Variants in ZBTB10 observed in about 807,000 individuals in gnomAD.
ZBTB10 encodes zinc finger and BTB domain containing 10, also known as zinc finger and BTB domain-containing protein 10.
ZBTB10 carries 32 observed loss-of-function variants against 76.4 expected under a neutral mutation model. That is an observed-to-expected ratio of 0.42 (90% confidence interval 0.32 to 0.56). The LOEUF is 0.56. Among genes scored for constraint, ZBTB10 ranks in the 20% least tolerant of loss-of-function variants. The pLI, the probability that ZBTB10 is intolerant of heterozygous loss-of-function variation, is 0.14. For synonymous variants in ZBTB10, 523 were observed against 432.9 expected, an observed-to-expected ratio of 1.21 and a Z score of -2.58; for missense variants, 1,057 against 1,098.5, an observed-to-expected ratio of 0.96 and a Z score of 0.53.
chr8:80,492,173 T>G (rs1305077714), intron 1 of ZBTB10, among the ~76,000 whole-genome samples: 2 of 152,316 alleles, frequency 1.3e-5, no homozygotes, highest in East Asian at 1.9e-4. Context: ...CTTATTTATA[T>G]ATTTTACATT....
upstream of ZBTB10, chr8:80,485,946 T>C (rs1056570914): frequency 6.7e-7 from 1 of 1,492,192 alleles, no homozygotes; most frequent in African/African-American, 1.4e-5. Flanking sequence ...GTCCTCCGCG[T>C]AGCCCGGCCC....
chr8:80,523,229 T>G lies in ZBTB10; in HGVS notation c.*3701T>G, dbSNP rs1171734842. ...GTCTGATTCTGAAGCCCATACTCTT[T>G]CAGGGAGGCTCTATTGCTGCCTCAT... On this transcript the variant is annotated 3_prime_UTR_variant, in exon 6 of 6. Transcript: ENST00000455036. 6.6e-6 allele frequency: 1 copy of G among 151,950 alleles called. No homozygotes were observed. Among genetic ancestry groups the G allele is most frequent in the Non-Finnish European group, 1.5e-5 (1 of 67,874 alleles). The allele number at this position is 151,950 out of a possible 1,614,324, so 9.4% of individuals were successfully genotyped here.
In ZBTB10 at chr8:80,519,512, T is replaced by G. The variant is rs751718620; in HGVS notation, c.2600T>G (p.Met867Arg). 5.8e-5 allele frequency: 93 copies of G among 1,609,316 alleles called. No individual in the cohort carries two copies. The highest frequency in any genetic ancestry group is 7.9e-5 in the Non-Finnish European group (93 of 1,177,814). ...SRWDESGEVC[M>R]SLDD ...TGGGATGAATCAGGAGAAGTTTGTA[T>G]GTCTCTAGATGATTAACTGACCTAC... The change falls in exon 6 of 6, where the codon ATG (methionine) becomes AGG (arginine). Residue 867 changes from methionine to arginine, a missense_variant. Transcript: ENST00000455036.
intron 1 of ZBTB10, among the ~76,000 whole-genome samples, chr8:80,494,375 C>A (rs1013231727): frequency 6.6e-6 from 1 of 152,262 alleles, no homozygotes; most frequent in Admixed American, 6.5e-5. Flanking sequence ...AGCCTCTCTT[C>A]CTCTACCCCC....
upstream of ZBTB10, chr8:80,485,810 C>T: frequency 1.3e-6 from 2 of 1,535,744 alleles, no homozygotes; most frequent in Non-Finnish European, 1.7e-6. Flanking sequence ...GCAGCTCCCA[C>T]CGCACAGTTA....
At chr8:80,485,996 C>T, upstream of ZBTB10, 1 of 1,158,024 alleles carries the variant, frequency 8.6e-7, no homozygotes, top group South Asian at 1.6e-5. Context: ...ACCCCCAGCC[C>T]GCCGCCCGGC....
upstream of ZBTB10, chr8:80,485,887 C>A: frequency 6.5e-7 from 1 of 1,535,404 alleles, no homozygotes; most frequent in Non-Finnish European, 8.7e-7. Context: ...CGGGTAGGTG[C>A]GTGTGGGCAG....
chr8:80,508,888 G>C (rs1165387918), intron 2 of ZBTB10, among the ~76,000 whole-genome samples: 1 of 151,946 alleles, frequency 6.6e-6, no homozygotes, highest in East Asian at 1.9e-4. Flanking sequence ...CTAGAGATTT[G>C]ATCTGTTTAT....
Position 80,518,870 on chromosome 8 carries a change from C to T in ZBTB10, c.2226C>T (p.Leu742=), listed in dbSNP as rs373901572. ...KYRRTLKRHL[L]IHTGVRSFSC... is the part of the protein sequence containing the mutation. ...GACGAACACTAAAAAGGCACTTGCT[C>T]ATTCACACAGGAGTGAGATCATTTA... The change falls in exon 5 of 6, where the codon CTC becomes CTT. Residue 742 remains leucine (L), a synonymous_variant. Coordinates refer to ENST00000455036, the MANE Select transcript of ZBTB10 (RefSeq NM_001105539.3). 24 of 1,611,856 alleles carry T rather than the reference C, an allele frequency of 1.5e-5. No homozygotes were observed. The Admixed American group carries it at 2.2e-4, about 15-fold the overall frequency.
intron 1 of ZBTB10, among the ~76,000 whole-genome samples, chr8:80,498,285 T>A (rs1200174129): frequency 6.6e-6 from 1 of 152,238 alleles, no homozygotes; most frequent in Non-Finnish European, 1.5e-5. Context: ...AGTGTTTATT[T>A]CTCCATGTTT....
chr8:80,487,545 G>T lies in ZBTB10; in HGVS notation c.735G>T (p.Lys245Asn), dbSNP rs771068109. Residue 245 changes from lysine (K) to asparagine (N), a missense_variant, in exon 1 of 6, where the codon AAG becomes AAT. By Grantham distance (94) the Lys-to-Asn change is moderately conservative. Coordinates refer to ENST00000455036, the MANE Select transcript of ZBTB10 (RefSeq NM_001105539.3). ...PLARPKSLMQKLQCSFQTSWL... is the reference protein window; with the variant it reads ...PLARPKSLMQNLQCSFQTSWL... Reference sequence around the variant, plus strand: ...CGCGGCCCAAGTCTCTAATGCAGAAGCTCCAATGCTCCTTCCAGACCTCCT... The same window carrying T: ...CGCGGCCCAAGTCTCTAATGCAGAATCTCCAATGCTCCTTCCAGACCTCCT... 23 of 1,596,934 alleles carry T rather than the reference G, an allele frequency of 1.4e-5. No individual in the cohort carries two copies. The highest frequency in any genetic ancestry group is 1.9e-5 in the Non-Finnish European group (22 of 1,171,644).
chr8:80,499,832 T>A lies in ZBTB10; in HGVS notation c.1311T>A (p.Ile437=). ...TGGTGCTCACAAGCCAAAATGCCAT[T>A]GAAGTTATGACCGTGGCCAGCTATC... The part of the protein sequence containing the change: ...GNLVLTSQNA[I]EVMTVASYLQ... Residue 437 remains isoleucine, a synonymous_variant, in exon 2 of 6, where the codon ATT becomes ATA. Transcript: ENST00000455036. 6.2e-7 allele frequency: 1 copy of A among 1,614,026 alleles called. No individual in the cohort carries two copies. The highest frequency in any genetic ancestry group is 8.5e-7 in the Non-Finnish European group (1 of 1,179,892).
rs1225066381 is a variant in ZBTB10 at position 80,486,613 on chromosome 8, G to A, written c.-198G>A. The stretch of plus-strand genomic sequence containing the variant: ...CGGAGGCGTCGGCCCGGCAGCGGCA[G>A]CGGCAGCGGACGCGTGCAGCAGACC... On this transcript the variant is annotated 5_prime_UTR_variant, in exon 1 of 6. Transcript: ENST00000455036. The A allele has an allele frequency of 2.0e-6, 2 of 987,454 alleles. No individual in the cohort carries two copies. The highest frequency in any genetic ancestry group is 2.4e-6 in the Non-Finnish European group (2 of 831,638). 61.2% of individuals were successfully genotyped at this position (987,454 alleles called of 1,614,324 possible).
At chr8:80,507,176 C>G (rs1388331370) in intron 2 of ZBTB10, among the ~76,000 whole-genome samples, 1 of 151,452 alleles carries the variant, frequency 6.6e-6, no homozygotes. Flanking sequence ...GGTGTGGTGG[C>G]GCGCGCCTGT....
In ZBTB10 at chr8:80,494,466, G is replaced by A. The variant is rs542587084; in HGVS notation, c.973-5028G>A. On this transcript the variant is annotated intron_variant, in intron 1 of 5. Coordinates refer to ENST00000455036, the MANE Select transcript of ZBTB10 (RefSeq NM_001105539.3). The stretch of plus-strand genomic sequence containing the variant: ...TGTTTAGGCCCCAAGCTGGAATGCT[G>A]ATGACCCTATGATTCTCTCCCTCCA... Among the ~76,000 whole-genome samples the A allele has an allele frequency of 7.2e-5, 11 of 152,280 alleles. No homozygotes were observed. In the South Asian group the frequency reaches 2.3e-3, roughly 32 times the overall value.
chr8:80,502,002 T>A (rs1473132090), intron 2 of ZBTB10, among the ~76,000 whole-genome samples: 1 of 152,202 alleles, frequency 6.6e-6, no homozygotes, highest in Non-Finnish European at 1.5e-5. Flanking sequence ...TAACATCTTT[T>A]GGGTGTAGCG....
In ZBTB10 at chr8:80,511,584, C is replaced by T. The variant is rs556363034; in HGVS notation, c.1862-2326C>T. Among the ~76,000 whole-genome samples, 122 of 152,292 alleles carry T rather than the reference C, an allele frequency of 8.0e-4. 3 individuals carry two copies. In the South Asian group the frequency reaches 0.023, roughly 29 times the overall value. On this transcript the variant is annotated intron_variant, in intron 2 of 5. Coordinates refer to ENST00000455036, the MANE Select transcript of ZBTB10 (RefSeq NM_001105539.3). ...CTCACTGGAGCCTTGGACTCCTGGG[C>T]TCAAGCCATTCTCCCGCCTCAGCCT...
At chr8:80,493,942 A>G (rs1815716283) in intron 1 of ZBTB10, among the ~76,000 whole-genome samples, 1 of 152,230 alleles carries the variant, frequency 6.6e-6, no homozygotes, top group Non-Finnish European at 1.5e-5. Context: ...CATCACTCAG[A>G]GATATAGAGG....
chr8:80,502,653 G>A (rs1815953387), intron 2 of ZBTB10, among the ~76,000 whole-genome samples: 1 of 152,012 alleles, frequency 6.6e-6, no homozygotes, highest in South Asian at 2.1e-4. Context: ...AAATAAATGG[G>A]TCTCAAAAGA....
Sources: allele counts gnomAD v4.1 joint callset (sites outside exome capture counted in the v4.1 genomes callset), GRCh38; gene constraint gnomAD v4.1.1; transcripts MANE v1.5; gene names NCBI Gene and HGNC (gene_info 2026-07-23, HGNC 2026-07-21).